The following RBPMS variants were observed in gnomAD, a reference collection of about 807,000 sequenced individuals.
RBPMS encodes RNA binding protein, mRNA processing factor.
In RBPMS, 7 loss-of-function variants were observed where a neutral mutation model predicts 26.8. The observed-to-expected ratio is 0.26, with a 90% CI of 0.15 to 0.49. The LOEUF is 0.49. RBPMS is among the 20% of genes least tolerant of loss of function. The pLI is 0.98. For missense variants in RBPMS, 186 were observed against 250.0 expected (o/e 0.74, Z 1.73); for synonymous variants, 96 against 93.3 (o/e 1.03, Z -0.17).
At chr8:30,423,995 G>T (rs1273854192) in intron 1 of RBPMS, among the ~76,000 whole-genome samples, 2 of 151,978 alleles carry the variant, frequency 1.3e-5, no homozygotes, top group Non-Finnish European at 2.9e-5. Context: ...GCACCACCAT[G>T]CCCGGCTCAT....
At chr8:30,414,441 A>G (rs1334209733) in intron 1 of RBPMS, among the ~76,000 whole-genome samples, 2 of 152,168 alleles carry the variant, frequency 1.3e-5, no homozygotes, top group African/African-American at 4.8e-5. Flanking sequence ...TTAGAACAGT[A>G]TGCTAATGAA....
chr8:30,443,892 G>T (rs1792629649), intron 1 of RBPMS, among the ~76,000 whole-genome samples: 1 of 151,474 alleles, frequency 6.6e-6, no homozygotes, highest in South Asian at 2.1e-4. Context: ...ACCGCGCCCA[G>T]CCTCAGATTT....
At chr8:30,430,145 G>A (rs12549305) in intron 1 of RBPMS, among the ~76,000 whole-genome samples, 32,135 of 151,966 alleles carry the variant, frequency 0.21, 3,705 homozygotes, top group East Asian at 0.32. Flanking sequence ...GCATGATGGC[G>A]CCCGCCTGTA....
At chr8:30,513,220 A>G (rs1585719032) in intron 5 of RBPMS, among the ~76,000 whole-genome samples, 1 of 152,152 alleles carries the variant, frequency 6.6e-6, no homozygotes, top group Non-Finnish European at 1.5e-5. Context: ...GAAAGACTTC[A>G]GACTGTGGCA....
At chr8:30,512,377 A>G (rs898273661) in intron 5 of RBPMS, among the ~76,000 whole-genome samples, 3 of 152,196 alleles carry the variant, frequency 2.0e-5, no homozygotes, top group African/African-American at 7.2e-5. Context: ...TAGATAAAAC[A>G]TGGCCATACT....
intron 1 of RBPMS, among the ~76,000 whole-genome samples, chr8:30,467,333 G>A (rs1435090338): frequency 6.6e-6 from 1 of 152,214 alleles, no homozygotes; most frequent in African/African-American, 2.4e-5. Context: ...TTTAAAAAGA[G>A]TAAAAGAAGT....
At chr8:30,390,401 T>C (rs950464110) in intron 1 of RBPMS, among the ~76,000 whole-genome samples, 1 of 152,212 alleles carries the variant, frequency 6.6e-6, no homozygotes, top group Non-Finnish European at 1.5e-5. Flanking sequence ...CCTGTTCTGA[T>C]GCTCTTCTGG....
At chr8:30,559,004 C>A in intron 7 of RBPMS, 48 bp downstream of exon 7, 1 of 1,508,720 alleles carries the variant, frequency 6.6e-7, no homozygotes, top group Non-Finnish European at 9.2e-7. Flanking sequence ...TAGAACACAT[C>A]TGTACATGGT....
chr8:30,466,603 T>A (rs981593414), intron 1 of RBPMS, among the ~76,000 whole-genome samples: 2 of 151,078 alleles, frequency 1.3e-5, no homozygotes, highest in African/African-American at 2.4e-5. Flanking sequence ...TTTTCTTTTT[T>A]TTTTTTTTTG....
chr8:30,556,285 G>A (rs1263386662), intron 6 of RBPMS: 8 of 985,282 alleles, frequency 8.1e-6, no homozygotes, highest in African/African-American at 1.7e-5. Context: ...CTCGGAACCC[G>A]CCTTCATGTC....
chr8:30,562,786 G>A (rs1037471032), intron 7 of RBPMS, among the ~76,000 whole-genome samples: 16 of 131,662 alleles, frequency 1.2e-4, no homozygotes, highest in Non-Finnish European at 2.1e-4. Flanking sequence ...TTCCCAGCAC[G>A]GAAAGAACAG....
At chr8:30,437,913 T>C (rs902539030) in intron 1 of RBPMS, among the ~76,000 whole-genome samples, 2 of 151,368 alleles carry the variant, frequency 1.3e-5, no homozygotes, top group African/African-American at 4.9e-5. Context: ...GGACCAAGAT[T>C]GTGCTACTGC....
chr8:30,388,500 TTATAGC>T (rs1445981881), intron 1 of RBPMS, among the ~76,000 whole-genome samples: 97 of 48,004 alleles, frequency 2.0e-3, no homozygotes, highest in African/African-American at 7.9e-3. Flanking sequence ...AACTTATAAC[TTATAGC>T]TATAGCTATA....
intron 1 of RBPMS, among the ~76,000 whole-genome samples, chr8:30,419,909 T>A (rs893973682): frequency 6.6e-6 from 1 of 152,214 alleles, no homozygotes; most frequent in African/African-American, 2.4e-5. Flanking sequence ...GCTTGAAGAA[T>A]ACTGCATTCT....
At chr8:30,546,304 A>G (rs1563435152) in intron 6 of RBPMS, among the ~76,000 whole-genome samples, 1 of 152,256 alleles carries the variant, frequency 6.6e-6, no homozygotes, top group African/African-American at 2.4e-5. Flanking sequence ...TTAGTCAGCA[A>G]CAAAGCCTTT....
chr8:30,485,629 C>G (rs974726543), intron 4 of RBPMS, among the ~76,000 whole-genome samples: 2 of 152,216 alleles, frequency 1.3e-5, no homozygotes, highest in African/African-American at 2.4e-5. Context: ...CCATTGGGCC[C>G]TTCTGTTTTT....
chr8:30,551,301 A>T (rs1826351196), intron 6 of RBPMS, among the ~76,000 whole-genome samples: 1 of 152,234 alleles, frequency 6.6e-6, no homozygotes, highest in African/African-American at 2.4e-5. Context: ...ACTGAGGCCC[A>T]GGCCTCTCCA....
At chr8:30,385,446 G>A (rs1806926396) in intron 1 of RBPMS, 3 of 297,808 alleles carry the variant, frequency 1.0e-5, no homozygotes, top group Non-Finnish European at 1.8e-5. Flanking sequence ...ACCGAGAGCT[G>A]ACTCCTGGGT....
chr8:30,434,163 C>T (rs1812209984), intron 1 of RBPMS, among the ~76,000 whole-genome samples: 1 of 151,752 alleles, frequency 6.6e-6, no homozygotes, highest in Non-Finnish European at 1.5e-5. Context: ...AGTCCTGGGT[C>T]GATAAGTGAC....
Sources: allele counts gnomAD v4.1 joint callset (sites outside exome capture counted in the v4.1 genomes callset), GRCh38; gene constraint gnomAD v4.1.1; transcripts MANE v1.5; gene names NCBI Gene and HGNC (gene_info 2026-07-23, HGNC 2026-07-21).